Variants in PTPRG observed in about 807,000 individuals in gnomAD.
PTPRG encodes the protein protein tyrosine phosphatase receptor type G, also known as receptor-type tyrosine-protein phosphatase gamma.
PTPRG carries 102 observed loss-of-function variants against 165.3 expected under a neutral mutation model. The observed-to-expected ratio is 0.62, with a 90% CI of 0.53 to 0.73. The LOEUF is 0.73. Among genes scored for constraint, PTPRG ranks in the 30% least tolerant of loss-of-function variants. The pLI is 0.00. For missense variants in PTPRG, 1,866 were observed against 1,861.4 expected (o/e 1.00, Z -0.05); for synonymous variants, 675 against 669.5 (o/e 1.01, Z -0.13).
intron 1 of PTPRG, among the ~76,000 whole-genome samples, chr3:61,728,206 A>C (rs1337012148): frequency 1.3e-5 from 2 of 152,202 alleles, no homozygotes; most frequent in Non-Finnish European, 2.9e-5. Flanking sequence ...TTAGGTGGAC[A>C]TGCCTCTGCA....
At chr3:62,071,753 C>G (rs539959453) in intron 4 of PTPRG, among the ~76,000 whole-genome samples, 96 of 152,262 alleles carry the variant, frequency 6.3e-4, no homozygotes, top group Middle Eastern at 3.4e-3. Flanking sequence ...ATTTTTCTGT[C>G]CCAACCCCAC....
At chr3:61,969,619 C>A (rs910345523) in intron 2 of PTPRG, among the ~76,000 whole-genome samples, 2 of 152,068 alleles carry the variant, frequency 1.3e-5, no homozygotes, top group African/African-American at 2.4e-5. Context: ...TTGGAACTGG[C>A]GCCTTTTAGA....
At chr3:61,581,887 G>A (rs1447040292) in intron 1 of PTPRG, among the ~76,000 whole-genome samples, 2 of 152,068 alleles carry the variant, frequency 1.3e-5, no homozygotes, top group African/African-American at 4.8e-5. Context: ...TGGGATTACA[G>A]GTATGAGCCT....
chr3:62,150,193 C>T (rs1466448919), intron 6 of PTPRG, among the ~76,000 whole-genome samples: 5 of 152,230 alleles, frequency 3.3e-5, no homozygotes, highest in Non-Finnish European at 7.4e-5. Flanking sequence ...CCAAAGCAGC[C>T]GTGAATGGAG....
At chr3:61,887,123 CATATATATATATATATATATAT>C (rs148352398) in intron 2 of PTPRG, among the ~76,000 whole-genome samples, 36 of 85,944 alleles carry the variant, frequency 4.2e-4, no homozygotes, top group East Asian at 2.6e-3. Flanking sequence ...CCATAGCATG[CATATATATATATATATATATAT>C]ATATATATAT....
At position 61,881,640 on chromosome 3, in the gene PTPRG, G is replaced by C. The variant is rs566391883; in HGVS notation, c.191-107985G>C. Reference sequence around the variant, plus strand: ...ATAAAAGCTTCTATGAAGTTGACTAGATTTATTTTAGGTAAAGAACACTTT... The same window carrying C: ...ATAAAAGCTTCTATGAAGTTGACTACATTTATTTTAGGTAAAGAACACTTT... On this transcript the variant is annotated intron_variant, in intron 2 of 29. Transcript: ENST00000474889. Among the ~76,000 whole-genome samples, 7 of 152,294 alleles carry C rather than the reference G, an allele frequency of 4.6e-5. No homozygotes were observed. In the South Asian group the frequency reaches 1.4e-3, roughly 32 times the overall value.
chr3:61,932,504 C>T (rs574520903), intron 2 of PTPRG, among the ~76,000 whole-genome samples: 4 of 152,258 alleles, frequency 2.6e-5, no homozygotes, highest in Non-Finnish European at 4.4e-5. Flanking sequence ...TTAAAAGGGT[C>T]GAATATAAAA....
chr3:61,994,242 C>T (rs941238694), intron 3 of PTPRG, among the ~76,000 whole-genome samples: 38 of 152,304 alleles, frequency 2.5e-4, no homozygotes, highest in African/African-American at 5.3e-4. Context: ...AATACTTAGA[C>T]GGTGCTTCTG....
chr3:61,954,576 A>G (rs1440282783), intron 2 of PTPRG, among the ~76,000 whole-genome samples: 1 of 152,158 alleles, frequency 6.6e-6, no homozygotes, highest in Non-Finnish European at 1.5e-5. Flanking sequence ...CTAGCCCTGA[A>G]AAAATGGCAC....
chr3:61,786,514 C>T (rs960266526), intron 2 of PTPRG, among the ~76,000 whole-genome samples: 11 of 152,136 alleles, frequency 7.2e-5, no homozygotes, highest in African/African-American at 1.9e-4. Context: ...GGCTGGTTAT[C>T]GTAACTATTA....
At chr3:62,107,159 C>T (rs1702500709) in intron 5 of PTPRG, among the ~76,000 whole-genome samples, 1 of 152,218 alleles carries the variant, frequency 6.6e-6, no homozygotes. Flanking sequence ...TCACAGTTGG[C>T]ATCCCTGTTA....
intron 1 of PTPRG, among the ~76,000 whole-genome samples, chr3:61,565,431 C>G (rs1437810297): frequency 6.6e-6 from 1 of 152,138 alleles, no homozygotes; most frequent in East Asian, 1.9e-4. Flanking sequence ...ACAACTCAAT[C>G]TTCTCTCATC....
intron 8 of PTPRG, among the ~76,000 whole-genome samples, chr3:62,171,422 A>G (rs1705210902): frequency 6.6e-6 from 1 of 152,354 alleles, no homozygotes; most frequent in African/African-American, 2.4e-5. Flanking sequence ...TTTTAAAGGC[A>G]TAATTTACAT....
chr3:61,860,144 G>C (rs1172495393), intron 2 of PTPRG, among the ~76,000 whole-genome samples: 1 of 152,194 alleles, frequency 6.6e-6, no homozygotes, highest in African/African-American at 2.4e-5. Flanking sequence ...AGGAAATATT[G>C]TATGTACATT....
In PTPRG at chr3:62,003,401, C is replaced by G. The variant is rs1456744412; in HGVS notation, c.423C>G (p.Gly141=). The G allele has an allele frequency of 6.2e-7, 1 of 1,614,046 alleles. No homozygotes were observed. ...DYFVSGAGLP[G]RFKAEKVEFH... ...TTGTCAGTGGAGCTGGTCTACCTGG[C>G]AGATTCAAAGCTGAGAAGGTGGAAT... Residue 141 remains glycine (G), a synonymous_variant, in exon 4 of 30, where the codon GGC becomes GGG. Transcript: ENST00000474889.
At chr3:62,109,714 A>C (rs935861372) in intron 5 of PTPRG, among the ~76,000 whole-genome samples, 2 of 152,148 alleles carry the variant, frequency 1.3e-5, no homozygotes, top group African/African-American at 2.4e-5. Context: ...GATCAGCAAG[A>C]GGGAGGCCCA....
At chr3:62,095,564 G>A (rs1702082702) in intron 5 of PTPRG, among the ~76,000 whole-genome samples, 1 of 152,208 alleles carries the variant, frequency 6.6e-6, no homozygotes, top group Non-Finnish European at 1.5e-5. Flanking sequence ...CACTGTGCTA[G>A]GCACTGAGGC....
intron 2 of PTPRG, among the ~76,000 whole-genome samples, chr3:61,968,488 G>A (rs1212214111): frequency 6.6e-6 from 1 of 152,154 alleles, no homozygotes; most frequent in Non-Finnish European, 1.5e-5. Flanking sequence ...TTGGGCTTAA[G>A]TGTGAAAATT....
At chr3:61,926,018 C>A in intron 2 of PTPRG, 1 of 453,632 alleles carries the variant, frequency 2.2e-6, no homozygotes, top group Non-Finnish European at 4.4e-6. Context: ...GAACCTCAGA[C>A]CCTTCCTGTA....
Sources: gnomAD v4.1 joint callset for allele counts (sites outside exome capture counted in the v4.1 genomes callset) on GRCh38, gnomAD v4.1.1 for gene constraint, MANE v1.5 for transcripts, NCBI Gene and HGNC (gene_info 2026-07-23, HGNC 2026-07-21) for gene names.